Variants in CLASP2 observed in about 807,000 individuals in gnomAD.
CLASP2 encodes the protein CLIP-associating protein 2.
Under a neutral mutation model 194.4 loss-of-function variants are expected in CLASP2, and 47 were observed. The observed-to-expected ratio is 0.24, with a 90% CI of 0.19 to 0.31. The LOEUF (loss-of-function observed/expected upper bound fraction) is 0.31. Ranked by LOEUF, CLASP2 falls within the 10% of genes least tolerant of loss-of-function variation. The pLI is 1.00. For missense variants in CLASP2, 1,445 were observed against 1,823.6 expected, an observed-to-expected ratio of 0.79 and a Z score of 3.78; for synonymous variants, 619 against 633.5, an observed-to-expected ratio of 0.98 and a Z score of 0.34.
Position 33,691,060 on chromosome 3 carries a change from G to A in CLASP2, c.275-1128C>T, listed in dbSNP as rs2091298115. The stretch of plus-strand genomic sequence containing the variant: ...GAATGCTGTGGCTGATGTGACAGGA[G>A]GCAGAGCTCAGGTGGTAATGCTCAC... On this transcript the variant is annotated intron_variant, in intron 2 of 38. Coordinates refer to ENST00000682230, the MANE Select transcript of CLASP2 (RefSeq NM_001365631.1). 1.3e-5 allele frequency among the ~76,000 whole-genome samples: 2 copies of A among 152,294 alleles called. 1 individual carries two copies. Among genetic ancestry groups the A allele is most frequent in the Non-Finnish European group, 2.9e-5 (2 of 68,032 alleles).
intron 37 of CLASP2, among the ~76,000 whole-genome samples, chr3:33,507,173 G>A (rs947566554): frequency 2.6e-5 from 4 of 152,106 alleles, no homozygotes; most frequent in African/African-American, 4.8e-5. Context: ...CTGACCTCAG[G>A]TGATTTGCCT....
At position 33,560,720 on chromosome 3, in the gene CLASP2, G is replaced by A. The variant is rs1253226900; in HGVS notation, c.2930+88C>T. ...ATCCATGCAGTCTAAATTGTTCAAA[G>A]GGACCCAGAAATCTGAACTATTAAC... is the stretch of plus-strand genomic sequence containing the variant. On this transcript the variant is annotated intron_variant, in intron 28 of 38. Transcript: ENST00000682230. 3 of 1,157,282 alleles carry A rather than the reference G, an allele frequency of 2.6e-6. No homozygotes were observed. The Admixed American group carries it at 6.3e-5, about 24-fold the overall frequency. The allele number at this position is 1,157,282 out of a possible 1,614,324, so 71.7% of individuals were successfully genotyped here.
At chr3:33,602,064 A>G (rs1450399571) in intron 18 of CLASP2, among the ~76,000 whole-genome samples, 2 of 148,090 alleles carry the variant, frequency 1.4e-5, no homozygotes, top group Admixed American at 6.9e-5. Flanking sequence ...CCCAGGCTGC[A>G]GTGCAATGGC....
chr3:33,542,955 T>C (rs896897951), intron 32 of CLASP2, among the ~76,000 whole-genome samples: 1 of 152,226 alleles, frequency 6.6e-6, no homozygotes, highest in Non-Finnish European at 1.5e-5. Context: ...ATATCCTATA[T>C]ATTATCATTT....
intron 1 of CLASP2, among the ~76,000 whole-genome samples, chr3:33,714,427 A>C (rs908925128): frequency 6.6e-6 from 1 of 152,200 alleles, no homozygotes; most frequent in Non-Finnish European, 1.5e-5. Flanking sequence ...AGTAAAAACT[A>C]AACTTTTTAC....
intron 25 of CLASP2, 116 bp from the exon 26 acceptor site, chr3:33,570,906 T>TATTATA: frequency 1.1e-6 from 1 of 911,884 alleles, no homozygotes; most frequent in East Asian, 2.8e-5. Context: ...TTGGGCATGG[T>TATTATA]GGCTCACGCC....
Position 33,658,193 on chromosome 3 carries a change from T to A in CLASP2, c.715+5252A>T, listed in dbSNP as rs2084637894. 3.3e-5 allele frequency among the ~76,000 whole-genome samples: 5 copies of A among 152,340 alleles called. No homozygotes were observed. In the South Asian group the frequency reaches 1.0e-3, roughly 32 times the overall value. On this transcript the variant is annotated intron_variant, in intron 7 of 38. Transcript: ENST00000682230. ...TTGGTACTGGTTTGCTTTCTGTGCC[T>A]GGATCTGGGACATATTGTCTCAGCA... is the stretch of plus-strand genomic sequence containing the variant.
chr3:33,497,526 G>A lies in CLASP2; in HGVS notation c.*1105C>T, dbSNP rs1349272996. The A allele has an allele frequency of 6.6e-6, 1 of 152,588 alleles. No homozygotes were observed. The highest frequency in any genetic ancestry group is 1.5e-5 in the Non-Finnish European group (1 of 68,034). 9.5% of individuals were successfully genotyped at this position (152,588 alleles called of 1,614,324 possible). A position where few individuals can be genotyped will look rare whatever the true frequency, so the allele number is the denominator to read the frequency against. On this transcript the variant is annotated 3_prime_UTR_variant, in exon 39 of 39. Transcript: ENST00000682230. ...AAAAGACACTATAGGCAGCAGCTCA[G>A]TTAAAAGTATTAGCCCTGAAGAGGT...
At chr3:33,592,613 C>T (rs1287806117) in intron 20 of CLASP2, 117 bp from the exon 21 acceptor site, 3 of 800,596 alleles carry the variant, frequency 3.7e-6, no homozygotes, top group Non-Finnish European at 4.2e-6. Flanking sequence ...ATGTAATCAT[C>T]AATTACGGGT....
chr3:33,674,871 C>T (rs984404874), intron 6 of CLASP2, among the ~76,000 whole-genome samples: 9 of 152,128 alleles, frequency 5.9e-5, no homozygotes, highest in African/African-American at 1.9e-4. Context: ...CATACACCCT[C>T]CCAAGACTAA....
At position 33,538,941 on chromosome 3, in the gene CLASP2, C is replaced by A. The variant is rs768196398; in HGVS notation, c.3406G>T (p.Ala1136Ser). The change falls in exon 33 of 39, where the codon GCA (alanine) becomes TCA (serine). Residue 1136 changes from alanine (A) to serine (S), a missense_variant and splice_region_variant. Transcript: ENST00000682230. ...NTSQNTLSPSAFDYDTENMNS... is the reference protein window; with the variant it reads ...NTSQNTLSPSSFDYDTENMNS... ...ATATTTTCTGTGTCATAATCAAATG[C>A]ACTATGAAAAAGACGACACTAATTT... The A allele has an allele frequency of 1.4e-4, 221 of 1,556,558 alleles. 3 individuals are homozygous for A. In the South Asian group the frequency reaches 2.6e-3, roughly 18 times the overall value.
intron 6 of CLASP2, among the ~76,000 whole-genome samples, chr3:33,671,936 T>C (rs914334524): frequency 1.3e-5 from 2 of 152,146 alleles, no homozygotes; most frequent in African/African-American, 2.4e-5. Flanking sequence ...ACAAAGCAGC[T>C]GGGAAGCTCC....
chr3:33,636,353 G>C (rs2080132297), intron 8 of CLASP2, among the ~76,000 whole-genome samples: 1 of 151,756 alleles, frequency 6.6e-6, no homozygotes, highest in South Asian at 2.1e-4. Context: ...AAAATAATCT[G>C]ACATCTATAC....
intron 3 of CLASP2, 34 bp downstream of exon 3, chr3:33,689,795 T>C: frequency 6.9e-7 from 1 of 1,439,438 alleles, no homozygotes. Context: ...GTGATTACCA[T>C]TAGCAAAATC....
intron 21 of CLASP2, among the ~76,000 whole-genome samples, chr3:33,588,309 T>C (rs1356781958): frequency 3.3e-5 from 5 of 152,052 alleles, no homozygotes; most frequent in Non-Finnish European, 5.9e-5. Flanking sequence ...AAAACCAGAG[T>C]TGTTGAAAAG....
At chr3:33,705,223 G>A (rs770210688) in intron 1 of CLASP2, among the ~76,000 whole-genome samples, 5 of 152,134 alleles carry the variant, frequency 3.3e-5, no homozygotes, top group Non-Finnish European at 7.3e-5. Context: ...CCATAAATAC[G>A]AATGGCTGAT....
intron 6 of CLASP2, among the ~76,000 whole-genome samples, chr3:33,666,424 C>G (rs1003220636): frequency 6.6e-6 from 1 of 152,194 alleles, no homozygotes; most frequent in Non-Finnish European, 1.5e-5. Flanking sequence ...TATATCTAGC[C>G]TATGAGTTGC....
intron 27 of CLASP2, among the ~76,000 whole-genome samples, chr3:33,566,119 G>C (rs1363294189): frequency 6.6e-6 from 1 of 152,080 alleles, no homozygotes; most frequent in Admixed American, 6.5e-5. Context: ...TAACACAAAG[G>C]GTTCTTGTCA....
chr3:33,544,514 A>C (rs1199705377), intron 31 of CLASP2, among the ~76,000 whole-genome samples, 184 bp downstream of exon 31: 2 of 152,198 alleles, frequency 1.3e-5, no homozygotes, highest in Non-Finnish European at 2.9e-5. Flanking sequence ...ATATAATATA[A>C]ACAGGACAGG....
Sources: allele counts gnomAD v4.1 joint callset (sites outside exome capture counted in the v4.1 genomes callset), GRCh38; gene constraint gnomAD v4.1.1; transcripts MANE v1.5; gene names NCBI Gene and HGNC (gene_info 2026-07-23, HGNC 2026-07-21).